DUOX2: variants seen among roughly 807,000 people sequenced by gnomAD.
The protein encoded by DUOX2 is dual oxidase 2.
Under a neutral mutation model 183.3 loss-of-function variants are expected in DUOX2, and 185 were observed. The ratio of observed to expected loss-of-function variants is 1.01; its 90% CI spans 0.90 to 1.14. DUOX2 has a LOEUF of 1.14. Among genes scored for constraint, DUOX2 ranks in the 50% most tolerant of loss-of-function variants. DUOX2 has a pLI of 0.00. For synonymous variants in DUOX2, 788 were observed against 812.4 expected (o/e 0.97, Z 0.51); for missense variants, 1,999 against 2,022.9 (o/e 0.99, Z 0.23).
chr15:45,100,607 C>A, intron 23 of DUOX2, 148 bp downstream of exon 23: 2 of 801,358 alleles, frequency 2.5e-6, no homozygotes, highest in Non-Finnish European at 2.2e-6. Flanking sequence ...AAAAGTCATT[C>A]AACACTGTAA....
Position 45,098,022 on chromosome 15 carries a change from G to A in DUOX2, c.3552C>T (p.Phe1184=), listed in dbSNP as rs2141142357. 1 of 1,614,104 alleles carries A rather than the reference G, an allele frequency of 6.2e-7. No homozygotes were observed. Among genetic ancestry groups the A allele is most frequent in the East Asian group, 2.2e-5 (1 of 44,884 alleles). The change falls in exon 27 of 34, where the codon TTC becomes TTT. Residue 1184 remains phenylalanine (F), a synonymous_variant. Coordinates refer to ENST00000389039, the MANE Select transcript of DUOX2 (RefSeq NM_001363711.2). ...CACGTTTCCTACCTGGGACGGTCTG[G>A]AAGAACCACCAATAGAACTTCTGGG... ...KLPQKFYWWF[F]QTVPGMTGVL...
intron 26 of DUOX2, 42 bp downstream of exon 26, chr15:45,099,341 C>T (rs1893997628): frequency 1.9e-6 from 3 of 1,572,982 alleles, no homozygotes; most frequent in African/African-American, 2.7e-5. Flanking sequence ...TACCCTTGGG[C>T]CCACCCTATG....
Position 45,094,060 on chromosome 15 carries a change from T to A in DUOX2, c.*90A>T. 6.3e-7 allele frequency: 1 copy of A among 1,589,634 alleles called. No homozygotes were observed. Among genetic ancestry groups the A allele is most frequent in the Non-Finnish European group, 8.6e-7 (1 of 1,158,904 alleles). On this transcript the variant is annotated 3_prime_UTR_variant, in exon 34 of 34. Coordinates refer to ENST00000389039, the MANE Select transcript of DUOX2 (RefSeq NM_001363711.2). ...CCTCCAGCTGAGGCCTAAGGTGGAT[T>A]CTGATGGAGAGATTGCCAGCAGGGC...
At chr15:45,113,274 A>C (rs2141160619) in intron 2 of DUOX2, 68 bp downstream of exon 2, 3 of 1,528,412 alleles carry the variant, frequency 2.0e-6, no homozygotes, top group East Asian at 2.5e-5. Context: ...CGCTTGCCGC[A>C]CCTCTCCCCG....
chr15:45,094,211 G>A lies in DUOX2; in HGVS notation c.4586C>T (p.Ala1529Val), dbSNP rs1312250828. The A allele has an allele frequency of 3.1e-6, 5 of 1,614,124 alleles. No homozygotes were observed. Among genetic ancestry groups the A allele is most frequent in the Non-Finnish European group, 4.2e-6 (5 of 1,180,016 alleles). Residue 1529 changes from alanine (A) to valine (V), a missense_variant, in exon 34 of 34, where the codon GCC (alanine) becomes GTC (valine). Ala to Val is a moderately conservative substitution (Grantham distance 64). Coordinates refer to ENST00000389039, the MANE Select transcript of DUOX2 (RefSeq NM_001363711.2). ...PPGMTKNVEK[A>V]CQLVNRQDRA... ...GTCCTGCCTGTTGACGAGCTGACAG[G>A]CCTTCTCTACATTCTTGGTCATTCC...
In DUOX2 at chr15:45,093,230, G is replaced by A. The variant is rs1374094097; in HGVS notation, c.*920C>T. On this transcript the variant is annotated 3_prime_UTR_variant, in exon 34 of 34. Coordinates refer to ENST00000389039, the MANE Select transcript of DUOX2 (RefSeq NM_001363711.2). ...AAGAGACTTTCAGTGCTAAAACAGG[G>A]AGAGTCCTGGGCAAACTAGGACAGC... 1 of 152,246 alleles carries A rather than the reference G, an allele frequency of 6.6e-6. No individual in the cohort carries two copies. The highest frequency in any genetic ancestry group is 2.1e-4 in the South Asian group (1 of 4,834). The allele number at this position is 152,246 out of a possible 1,614,324, so 9.4% of individuals were successfully genotyped here.
rs199752932 is a variant in DUOX2 at position 45,097,236 on chromosome 15, A to G, written c.3847+2T>C. The stretch of plus-strand genomic sequence containing the variant: ...CGACCCAGGTCAGGCTGGGCCTGAT[A>G]CCTGAGGGCAGCAGCTCCGCCTTCA... On this transcript the variant is annotated splice_donor_variant, in intron 29 of 33. Transcript: ENST00000389039. LOFTEE classifies it high-confidence loss of function. The G allele has an allele frequency of 6.8e-5, 110 of 1,613,978 alleles. No individual in the cohort carries two copies. The highest frequency in any genetic ancestry group is 8.9e-5 in the Non-Finnish European group (105 of 1,180,028).
In DUOX2 at chr15:45,103,946, G is replaced by T; in HGVS notation, c.2654+14C>A. ...CACCAGGAAGTCTCAGGATTAGAAA[G>T]GCACACCCCATACCGCATCATGGTG... On this transcript the variant is annotated intron_variant, in intron 20 of 33. Coordinates refer to ENST00000389039, the MANE Select transcript of DUOX2 (RefSeq NM_001363711.2). 6.2e-7 allele frequency: 1 copy of T among 1,613,948 alleles called. No homozygotes were observed. The highest frequency in any genetic ancestry group is 8.5e-7 in the Non-Finnish European group (1 of 1,179,876).
In DUOX2 at chr15:45,111,839, C is replaced by G. The variant is rs764043878; in HGVS notation, c.442G>C (p.Val148Leu). 1 of 1,613,318 alleles carries G rather than the reference C, an allele frequency of 6.2e-7. No individual in the cohort carries two copies. The stretch of plus-strand genomic sequence containing the variant: ...CGGCTCCTCTGGAAGGGCAGCACCA[C>G]GTCCCCGCGCTGGTCGGGGTCGAAC... ...PVFDPDQRGD[V>L]VLPFQRSRWD... The change falls in exon 5 of 34, where the codon GTG (valine) becomes CTG (leucine). Residue 148 changes from valine to leucine, a missense_variant. By Grantham distance (32) the Val-to-Leu change is conservative. Coordinates refer to ENST00000389039, the MANE Select transcript of DUOX2 (RefSeq NM_001363711.2).
At chr15:45,098,087 G>T in intron 26 of DUOX2, 29 bp from the exon 27 acceptor site, 1 of 1,609,878 alleles carries the variant, frequency 6.2e-7, no homozygotes, top group South Asian at 1.1e-5. Context: ...TTGAGCCTCT[G>T]ACTGGGGCAG....
intron 2 of DUOX2, 116 bp downstream of exon 2, chr15:45,113,226 G>A: frequency 1.4e-6 from 2 of 1,455,176 alleles, no homozygotes; most frequent in Non-Finnish European, 9.4e-7. Context: ...CCATCCCGCT[G>A]AGCTGCACGG....
chr15:45,105,364 T>G (rs766210792), intron 18 of DUOX2, among the ~76,000 whole-genome samples: 3 of 152,206 alleles, frequency 2.0e-5, no homozygotes, highest in Non-Finnish European at 4.4e-5. Flanking sequence ...GTACCACTCA[T>G]GTAGACGATC....
chr15:45,103,612 G>A (rs186576571), intron 20 of DUOX2, among the ~76,000 whole-genome samples: 94 of 152,314 alleles, frequency 6.2e-4, no homozygotes, highest in Middle Eastern at 3.4e-3. Context: ...GGTAGAGCAC[G>A]GTGTTGGGCG....
chr15:45,100,036 C>G lies in DUOX2; in HGVS notation c.3184+14G>C, dbSNP rs373474619. The G allele has an allele frequency of 4.1e-5, 66 of 1,614,112 alleles. No individual in the cohort carries two copies. In the African/African-American group the frequency reaches 7.7e-4, roughly 19 times the overall value. On this transcript the variant is annotated intron_variant, in intron 24 of 33. Transcript: ENST00000389039. ...CCTGCTCCCTACCCACTGCCCACAG[C>G]CTGGAACTCTTACAGTAAGCACGAT...
At chr15:45,106,784 G>A (rs1239427721) in intron 15 of DUOX2, 48 bp downstream of exon 15, 18 of 1,599,080 alleles carry the variant, frequency 1.1e-5, no homozygotes, top group Middle Eastern at 1.6e-4. Context: ...AGGCCAGCAG[G>A]AAATGAGGGG....
At chr15:45,094,717 C>T in intron 32 of DUOX2, 26 bp from the exon 33 acceptor site, 1 of 1,613,114 alleles carries the variant, frequency 6.2e-7, no homozygotes, top group Non-Finnish European at 8.5e-7. Flanking sequence ...CAGGTCAGAC[C>T]AAAGACAGTC....
Position 45,095,432 on chromosome 15 carries a change from C to T in DUOX2, c.4239+5G>A. 3.7e-6 allele frequency: 6 copies of T among 1,614,228 alleles called. No individual in the cohort carries two copies. Among genetic ancestry groups the T allele is most frequent in the Non-Finnish European group, 5.1e-6 (6 of 1,180,038 alleles). On this transcript the variant is annotated splice_donor_5th_base_variant and intron_variant, in intron 31 of 33. Transcript: ENST00000389039. Reference sequence around the variant, plus strand: ...CCATTTGATGAATGAGGGAGGGATGCTCACCTTCTTACACAGCATTTGGCT... The same window carrying T: ...CCATTTGATGAATGAGGGAGGGATGTTCACCTTCTTACACAGCATTTGGCT...
rs766247849 is a variant in DUOX2, at chr15:45,112,969, C to T, written c.160+18G>A. 10 of 1,612,110 alleles carry T rather than the reference C, an allele frequency of 6.2e-6. No individual in the cohort carries two copies. Among genetic ancestry groups the T allele is most frequent in the Admixed American group, 1.7e-5 (1 of 60,012 alleles). ...TCGCGAGCCACGGCCCCAGCACGCC[C>T]GGGCCCCCAGAACGCACCAACAGCA... On this transcript the variant is annotated intron_variant, in intron 3 of 33. Coordinates refer to ENST00000389039, the MANE Select transcript of DUOX2 (RefSeq NM_001363711.2).
At chr15:45,094,298 G>A in intron 33 of DUOX2, 26 bp from the exon 34 acceptor site, 2 of 1,614,016 alleles carry the variant, frequency 1.2e-6, no homozygotes, top group Non-Finnish European at 1.7e-6. Context: ...AGAGAGAGAG[G>A]GGCCTGCAGC....
Sources: gnomAD v4.1 joint callset for allele counts (sites outside exome capture counted in the v4.1 genomes callset) on GRCh38, gnomAD v4.1.1 for gene constraint, MANE v1.5 for transcripts, NCBI Gene and HGNC (gene_info 2026-07-23, HGNC 2026-07-21) for gene names.